The following CATSPERD variants were observed in gnomAD, a reference collection of about 807,000 sequenced individuals.
The protein encoded by CATSPERD is catsper channel auxiliary subunit delta.
CATSPERD carries 86 observed loss-of-function variants against 98.1 expected under a neutral mutation model. The ratio of observed to expected loss-of-function variants is 0.88; its 90% CI spans 0.74 to 1.05. The LOEUF (loss-of-function observed/expected upper bound fraction) is 1.05, where lower values mean the gene tolerates loss of function less well. CATSPERD is among the 50% of genes least tolerant of loss of function. The pLI, the probability that CATSPERD is intolerant of heterozygous loss-of-function variation, is 0.00. For synonymous variants in CATSPERD, 394 were observed against 390.2 expected, an observed-to-expected ratio of 1.01 and a Z score of -0.12; for missense variants, 995 against 1,005.7, an observed-to-expected ratio of 0.99 and a Z score of 0.14.
intron 15 of CATSPERD, among the ~76,000 whole-genome samples, chr19:5,761,895 TTTG>T (rs369899149): frequency 2.7e-5 from 4 of 149,846 alleles, no homozygotes; most frequent in South Asian, 2.1e-4. Flanking sequence ...CCGGCTAATT[TTTG>T]TTGTTGTTGT....
chr19:5,769,927 A>G (rs1219501118), intron 18 of CATSPERD, among the ~76,000 whole-genome samples: 1 of 151,548 alleles, frequency 6.6e-6, no homozygotes, highest in African/African-American at 2.4e-5. Flanking sequence ...CGTCTCTACT[A>G]AAAATACAAA....
chr19:5,768,300 A>T lies in CATSPERD; in HGVS notation c.1634+58A>T, dbSNP rs771651718. 1.2e-4 allele frequency: 162 copies of T among 1,315,890 alleles called. 3 individuals are homozygous for T. Among genetic ancestry groups the T allele is most frequent in the Non-Finnish European group, 1.6e-4 (154 of 949,072 alleles). The allele number at this position is 1,315,890 out of a possible 1,614,324, so 81.5% of individuals were successfully genotyped here. On this transcript the variant is annotated intron_variant, in intron 18 of 21. Transcript: ENST00000381624. ...CCAAGGCGACCATTGGGCCTGCAAA[A>T]GCCAAGAGCAAATTAGGAATTTTAT...
chr19:5,737,210 GT>G lies in CATSPERD; in HGVS notation c.459+6del, dbSNP rs779211663. The stretch of plus-strand genomic sequence containing the variant: ...ACTGGAAGTTTGTTTTGTGTGGTAA[GT>G]ATAAGTGTATAATTGTTCATTTTTT... On this transcript the variant is annotated splice_donor_region_variant and intron_variant, in intron 6 of 21. Transcript: ENST00000381624. 1.3e-6 allele frequency: 2 copies of G among 1,582,072 alleles called. No homozygotes were observed.
chr19:5,732,767 C>G (rs916923922), intron 4 of CATSPERD, among the ~76,000 whole-genome samples: 1 of 152,110 alleles, frequency 6.6e-6, no homozygotes, highest in African/African-American at 2.4e-5. Flanking sequence ...CCTCTGCCTC[C>G]TGGGTTCAAG....
At chr19:5,753,636 G>A (rs760956752) in intron 12 of CATSPERD, 8 of 377,916 alleles carry the variant, frequency 2.1e-5, no homozygotes, top group South Asian at 3.9e-5. Context: ...TTGGGAGGCC[G>A]AGATGGGAGG....
intron 9 of CATSPERD, among the ~76,000 whole-genome samples, chr19:5,746,862 A>C (rs547807402): frequency 6.6e-6 from 1 of 151,608 alleles, no homozygotes; most frequent in Non-Finnish European, 1.5e-5. Flanking sequence ...AGCTGTGCCG[A>C]GTCCTGATTG....
chr19:5,758,617 C>G (rs1331769247), intron 14 of CATSPERD, among the ~76,000 whole-genome samples: 5 of 151,030 alleles, frequency 3.3e-5, no homozygotes, highest in African/African-American at 1.2e-4. Context: ...GTGGCGGGCA[C>G]CTGTAGTCCC....
chr19:5,721,654 C>A lies in CATSPERD; in HGVS notation c.71+846C>A, dbSNP rs1276278907. Among the ~76,000 whole-genome samples, 3 of 151,842 alleles carry A rather than the reference C, an allele frequency of 2.0e-5. No individual in the cohort carries two copies. In the East Asian group the frequency reaches 5.8e-4, roughly 29 times the overall value. On this transcript the variant is annotated intron_variant, in intron 1 of 21. Transcript: ENST00000381624. ...GGAAGATTCATAATGATTCCTTAACCTTATTTTATTTTATTTATTATTATT... is the reference window on the plus strand; with the variant it reads ...GGAAGATTCATAATGATTCCTTAACATTATTTTATTTTATTTATTATTATT...
In CATSPERD at chr19:5,772,851, G is replaced by T; in HGVS notation, c.1827G>T (p.Gly609=). The part of the protein sequence containing the change: ...DAEYVLLEVN[G]QFSYSYSLTA... ...AGTATGTGTTACTGGAGGTGAACGG[G>T]CAGTTCTCATACTCCTATTCCCTGA... Residue 609 remains glycine, a synonymous_variant, in exon 20 of 22, where the codon GGG becomes GGT. Coordinates refer to ENST00000381624, the MANE Select transcript of CATSPERD (RefSeq NM_152784.4). The T allele has an allele frequency of 6.2e-7, 1 of 1,614,078 alleles. No individual in the cohort carries two copies. The highest frequency in any genetic ancestry group is 8.5e-7 in the Non-Finnish European group (1 of 1,180,006).
At chr19:5,733,352 C>T (rs1240525995) in intron 4 of CATSPERD, among the ~76,000 whole-genome samples, 1 of 140,596 alleles carries the variant, frequency 7.1e-6, no homozygotes, top group East Asian at 2.1e-4. Context: ...TTCTTTCTTC[C>T]TTCCTTCCCT....
chr19:5,751,296 G>A (rs1484028642), intron 11 of CATSPERD, among the ~76,000 whole-genome samples: 17 of 143,856 alleles, frequency 1.2e-4, no homozygotes, highest in Non-Finnish European at 1.8e-4. Context: ...AGGCCGAGGC[G>A]GGCGGATCAC....
intron 4 of CATSPERD, among the ~76,000 whole-genome samples, chr19:5,730,214 T>C (rs2055687000): frequency 6.6e-6 from 1 of 152,140 alleles, no homozygotes; most frequent in Admixed American, 6.6e-5. Context: ...TATAAATAGA[T>C]AGATGGGATG....
chr19:5,721,053 C>T (rs2055456061), intron 1 of CATSPERD, among the ~76,000 whole-genome samples: 1 of 150,112 alleles, frequency 6.7e-6, no homozygotes, highest in African/African-American at 2.5e-5. Flanking sequence ...GGCTGCAGTG[C>T]AGTGGCGCGA....
At chr19:5,763,610 G>A (rs1331814473) in intron 16 of CATSPERD, among the ~76,000 whole-genome samples, 1 of 151,962 alleles carries the variant, frequency 6.6e-6, no homozygotes, top group Non-Finnish European at 1.5e-5. Flanking sequence ...AGATTCATAG[G>A]GACAGAAAGT....
chr19:5,730,616 A>G (rs1191041640), intron 4 of CATSPERD, among the ~76,000 whole-genome samples: 1 of 152,010 alleles, frequency 6.6e-6, no homozygotes, highest in Non-Finnish European at 1.5e-5. Flanking sequence ...TACATGCAGT[A>G]ATTTCAAGAC....
intron 6 of CATSPERD, 85 bp downstream of exon 6, chr19:5,737,290 G>A (rs1450755020): frequency 6.5e-6 from 6 of 924,962 alleles, no homozygotes; most frequent in Non-Finnish European, 1.0e-5. Flanking sequence ...GCTGGGCGTG[G>A]TGGCTCATAC....
chr19:5,739,294 TTTCA>T (rs1266856365), intron 6 of CATSPERD, 28 bp from the exon 7 acceptor site: 1 of 1,237,418 alleles, frequency 8.1e-7, no homozygotes, highest in Non-Finnish European at 1.2e-6. Context: ...GGCATCTTTC[TTTCA>T]TTCTTTCTTT....
chr19:5,739,664 T>G (rs1305342124), intron 7 of CATSPERD, among the ~76,000 whole-genome samples: 1 of 151,108 alleles, frequency 6.6e-6, no homozygotes, highest in African/African-American at 2.4e-5. Context: ...AGACCCCATC[T>G]CTACAAAAAA....
At chr19:5,720,884 C>G in intron 1 of CATSPERD, 76 bp downstream of exon 1, 1 of 1,246,898 alleles carries the variant, frequency 8.0e-7, no homozygotes, top group African/African-American at 1.5e-5. Flanking sequence ...GGAGCCGAGG[C>G]CTGCTCCCCA....
Sources: allele counts gnomAD v4.1 joint callset (sites outside exome capture counted in the v4.1 genomes callset), GRCh38; gene constraint gnomAD v4.1.1; transcripts MANE v1.5; gene names NCBI Gene and HGNC (gene_info 2026-07-23, HGNC 2026-07-21).